DACT1: variants seen among roughly 807,000 people sequenced by gnomAD.
The protein encoded by DACT1 is dapper homolog 1.
In DACT1, 19 loss-of-function variants were observed where a neutral mutation model predicts 35.3. The observed-to-expected ratio is 0.54, with a 90% CI of 0.38 to 0.79. The LOEUF is 0.79. DACT1 is among the 30% of genes least tolerant of loss of function. DACT1 has a pLI of 0.00. For synonymous variants in DACT1, 545 were observed against 466.7 expected, an observed-to-expected ratio of 1.17 and a Z score of -2.16; for missense variants, 1,143 against 1,057.5, an observed-to-expected ratio of 1.08 and a Z score of -1.12.
intron 3 of DACT1, among the ~76,000 whole-genome samples, chr14:58,644,572 G>A (rs375312348): frequency 6.6e-6 from 1 of 152,060 alleles, no homozygotes; most frequent in African/African-American, 2.4e-5. Context: ...AACATAAGGC[G>A]ATTATTATTT....
In DACT1 at chr14:58,647,062, G is replaced by A; in HGVS notation, c.2328G>A (p.Lys776=). The change falls in exon 4 of 4, where the codon AAG becomes AAA. Residue 776 remains lysine, a synonymous_variant. Coordinates refer to ENST00000395153, the MANE Select transcript of DACT1 (RefSeq NM_001079520.2). ...CCGCAAAAACCTTTGTCAAAATTAA[G>A]GCCTCACATAACCTCAAGAAGAAGA... The part of the protein sequence containing the change: ...NHPAKTFVKI[K]ASHNLKKKIL... 6.2e-7 allele frequency: 1 copy of A among 1,614,154 alleles called. No homozygotes were observed. Among genetic ancestry groups the A allele is most frequent in the Non-Finnish European group, 8.5e-7 (1 of 1,180,028 alleles).
At chr14:58,637,847 C>T (rs1264614110), upstream of DACT1, among the ~76,000 whole-genome samples, 2 of 151,114 alleles carry the variant, frequency 1.3e-5, no homozygotes, top group Non-Finnish European at 3.0e-5. Context: ...GCGCGCCTGA[C>T]AGAGGAGGGG....
intron 3 of DACT1, among the ~76,000 whole-genome samples, chr14:58,643,742 A>G (rs754463250): frequency 6.6e-6 from 1 of 152,160 alleles, no homozygotes; most frequent in Non-Finnish European, 1.5e-5. Flanking sequence ...GTTCAACTCT[A>G]AAGAGGGAAA....
At position 58,646,398 on chromosome 14, in the gene DACT1, A is replaced by C. The variant is rs2047682773; in HGVS notation, c.1664A>C (p.Gln555Pro). 3.1e-6 allele frequency: 5 copies of C among 1,602,316 alleles called. No individual in the cohort carries two copies. The highest frequency in any genetic ancestry group is 4.2e-6 in the Non-Finnish European group (5 of 1,177,098). The change falls in exon 4 of 4, where the codon CAG becomes CCG. Residue 555 changes from glutamine (Q) to proline (P), a missense_variant. By Grantham distance (76) the Gln-to-Pro change is moderately conservative. This residue lies in a region of DACT1 where 1,054 missense variants were observed against 958.8 expected (regional missense o/e 1.10). Transcript: ENST00000395153. The part of the protein sequence containing the change: ...SSLKHRGPAL[Q>P]GLENGLPTVR... ...CTGAAGCACCGCGGCCCAGCCCTCC[A>C]GGGGCTGGAGAACGGCTTGCCCACC... is the stretch of plus-strand genomic sequence containing the variant.
chr14:58,646,182 C>T lies in DACT1; in HGVS notation c.1448C>T (p.Pro483Leu), dbSNP rs559985582. 8.1e-6 allele frequency: 13 copies of T among 1,613,660 alleles called. No individual in the cohort carries two copies. In the East Asian group the frequency reaches 1.1e-4, roughly 14 times the overall value. The change falls in exon 4 of 4, where the codon CCG becomes CTG. Residue 483 changes from proline to leucine, a missense_variant. Pro to Leu is a moderately conservative substitution (Grantham distance 98, BLOSUM62 -3). Around this residue, in one of 3 missense-constraint regions of DACT1, gnomAD observed 1,054 missense variants for 958.8 expected, o/e 1.10. Coordinates refer to ENST00000395153, the MANE Select transcript of DACT1 (RefSeq NM_001079520.2). ...AAAAACAGCCTGCAGGGCGTCCCCC[C>T]GGCCACTCCTCCCCTGCTGTCTACA... Reference protein sequence around the residue: ...SQKNSLQGVPPATPPLLSTAF... With the variant: ...SQKNSLQGVPLATPPLLSTAF...
chr14:58,640,674 A>G (rs951845800), intron 1 of DACT1, 62 bp from the exon 2 acceptor site: 2 of 1,597,312 alleles, frequency 1.3e-6, no homozygotes, highest in Non-Finnish European at 1.7e-6. Context: ...TCCTTAGAGT[A>G]GACTTTCTGG....
intron 1 of DACT1, among the ~76,000 whole-genome samples, chr14:58,639,632 A>C (rs1472308549): frequency 6.6e-6 from 1 of 151,974 alleles, no homozygotes; most frequent in Non-Finnish European, 1.5e-5. Context: ...TGATAGGTTC[A>C]TTTTTCCTGA....
Position 58,646,588 on chromosome 14 carries a change from C to A in DACT1, c.1854C>A (p.Ser618Arg). 6.3e-7 allele frequency: 1 copy of A among 1,582,690 alleles called. No individual in the cohort carries two copies. The highest frequency in any genetic ancestry group is 1.1e-5 in the South Asian group (1 of 87,690). Residue 618 changes from serine to arginine, a missense_variant, in exon 4 of 4, where the codon AGC becomes AGA. Physicochemically the swap from Ser to Arg is moderately radical, Grantham distance 110. Transcript: ENST00000395153. Reference protein sequence around the residue: ...RPAGGGHRAGSRAHGHGREAV... With the variant: ...RPAGGGHRAGRRAHGHGREAV... ...CGGGCGGGGGCCACAGGGCGGGGAG[C>A]AGGGCGCATGGCCACGGACGGGAGG...
At chr14:58,638,813 C>T in intron 1 of DACT1, 1 of 1,164,236 alleles carries the variant, frequency 8.6e-7, no homozygotes, top group Non-Finnish European at 1.1e-6. Context: ...GCTCTTCCCT[C>T]CTCCTCTGCC....
rs2047684084 is a variant in DACT1 at position 58,646,467 on chromosome 14, C to G, written c.1733C>G (p.Pro578Arg). ...TRAGSKKCRF[P>R]DDLDTNKKLK... ...GCCGGGAGCAAGAAGTGTCGCTTCCCAGATGACTTGGATACAAATAAGAAA... is the reference window on the plus strand; with the variant it reads ...GCCGGGAGCAAGAAGTGTCGCTTCCGAGATGACTTGGATACAAATAAGAAA... Residue 578 changes from proline (P) to arginine (R), a missense_variant, in exon 4 of 4, where the codon CCA becomes CGA. By Grantham distance (103) the Pro-to-Arg change is moderately radical. Around this residue, in one of 3 missense-constraint regions of DACT1, gnomAD observed 1,054 missense variants for 958.8 expected, o/e 1.10. Coordinates refer to ENST00000395153, the MANE Select transcript of DACT1 (RefSeq NM_001079520.2). The G allele has an allele frequency of 4.4e-6, 7 of 1,575,316 alleles. No homozygotes were observed. Among genetic ancestry groups the G allele is most frequent in the Non-Finnish European group, 6.0e-6 (7 of 1,164,454 alleles).
intron 3 of DACT1, among the ~76,000 whole-genome samples, chr14:58,642,484 AAAAAC>A (rs1346207044): frequency 6.6e-6 from 1 of 152,058 alleles, no homozygotes; most frequent in African/African-American, 2.4e-5. Context: ...AAAAAAAACA[AAAAAC>A]AAAAGACCAG....
In DACT1 at chr14:58,640,798, A is replaced by T; in HGVS notation, c.408A>T (p.Ile136=). The part of the protein sequence containing the change: ...LNQLQELDKQ[I]SDLRLDVEKT... ...AGTTGCAAGAGCTTGACAAGCAGAT[A>T]AGTGACCTGAGACTGGATGTAGAAA... Residue 136 remains isoleucine (I), a synonymous_variant, in exon 2 of 4, where the codon ATA becomes ATT. Coordinates refer to ENST00000395153, the MANE Select transcript of DACT1 (RefSeq NM_001079520.2). 6.2e-7 allele frequency: 1 copy of T among 1,614,168 alleles called. No individual in the cohort carries two copies. Among genetic ancestry groups the T allele is most frequent in the Non-Finnish European group, 8.5e-7 (1 of 1,180,030 alleles).
chr14:58,646,934 A>C lies in DACT1; in HGVS notation c.2200A>C (p.Thr734Pro). The change falls in exon 4 of 4, where the codon ACA becomes CCA. Residue 734 changes from threonine to proline, a missense_variant. Physicochemically the swap from Thr to Pro is conservative, Grantham distance 38. Around this residue, in one of 3 missense-constraint regions of DACT1, gnomAD observed 1,054 missense variants for 958.8 expected, o/e 1.10. Coordinates refer to ENST00000395153, the MANE Select transcript of DACT1 (RefSeq NM_001079520.2). ...CGAGGGCGAGTTCGTGGGGGAGAGC[A>C]CAACCACCAGCGACTCTGAAGAAAG... ...VSEGEFVGES[T>P]TTSDSEESGG... 2 of 1,614,212 alleles carry C rather than the reference A, an allele frequency of 1.2e-6. No individual in the cohort carries two copies. The highest frequency in any genetic ancestry group is 1.7e-6 in the Non-Finnish European group (2 of 1,180,040).
In DACT1 at chr14:58,638,355, G is replaced by A. The variant is rs745694669; in HGVS notation, c.153G>A (p.Thr51=). The A allele has an allele frequency of 1.5e-6, 2 of 1,305,630 alleles. No homozygotes were observed. The highest frequency in any genetic ancestry group is 2.3e-5 in the South Asian group (1 of 43,820). The allele number at this position is 1,305,630 out of a possible 1,614,324, so 80.9% of individuals were successfully genotyped here. A position where few individuals can be genotyped will look rare whatever the true frequency, so the allele number is the denominator to read the frequency against. The change falls in exon 1 of 4, where the codon ACG becomes ACA. Residue 51 remains threonine, a synonymous_variant. Transcript: ENST00000395153. ...RQRTRERQEA[T]LAGLAELEYL... ...GCACCCGGGAGCGGCAGGAGGCCAC[G>A]CTGGCCGGGCTGGCGGAGCTGGAGT...
At chr14:58,641,451 A>T in intron 2 of DACT1, 141 bp from the exon 3 acceptor site, 2 of 871,420 alleles carry the variant, frequency 2.3e-6, no homozygotes, top group South Asian at 1.7e-5. Context: ...AGATTAGGAC[A>T]CCAAAGTCCA....
chr14:58,643,226 G>T (rs1243579466), intron 3 of DACT1, among the ~76,000 whole-genome samples: 1 of 152,210 alleles, frequency 6.6e-6, no homozygotes, highest in Non-Finnish European at 1.5e-5. Context: ...TAAGCTAATT[G>T]TCAGAGGTTC....
upstream of DACT1, among the ~76,000 whole-genome samples, chr14:58,637,891 C>T (rs914352432): frequency 6.6e-5 from 10 of 151,420 alleles, no homozygotes; most frequent in Admixed American, 4.6e-4. Flanking sequence ...AGCCGAGGGG[C>T]CGGCGCGGGG....
In DACT1 at chr14:58,638,345, A is replaced by G. The variant is rs1021718597; in HGVS notation, c.143A>G (p.Gln48Arg). 2.3e-6 allele frequency: 3 copies of G among 1,311,274 alleles called. No homozygotes were observed. In the African/African-American group the frequency reaches 4.6e-5, roughly 20 times the overall value. The allele number at this position is 1,311,274 out of a possible 1,614,324, so 81.2% of individuals were successfully genotyped here. The change falls in exon 1 of 4, where the codon CAG (glutamine) becomes CGG (arginine). Residue 48 changes from glutamine (Q) to arginine (R), a missense_variant. This residue lies in a region of DACT1 where 85 missense variants were observed against 81.8 expected (regional missense o/e 1.04). Coordinates refer to ENST00000395153, the MANE Select transcript of DACT1 (RefSeq NM_001079520.2). ...DTERQRTRER[Q>R]EATLAGLAEL... Reference sequence around the variant, plus strand: ...GAGCGGCAGCGCACCCGGGAGCGGCAGGAGGCCACGCTGGCCGGGCTGGCG... The same window carrying G: ...GAGCGGCAGCGCACCCGGGAGCGGCGGGAGGCCACGCTGGCCGGGCTGGCG...
chr14:58,638,253 G>T lies in DACT1; in HGVS notation c.51G>T (p.Pro17=). The T allele has an allele frequency of 7.3e-7, 1 of 1,367,420 alleles. No individual in the cohort carries two copies. The highest frequency in any genetic ancestry group is 9.4e-7 in the Non-Finnish European group (1 of 1,060,822). The allele number at this position is 1,367,420 out of a possible 1,614,324, so 84.7% of individuals were successfully genotyped here. A position where few individuals can be genotyped will look rare whatever the true frequency, so the allele number is the denominator to read the frequency against. Residue 17 remains proline, a synonymous_variant, in exon 1 of 4, where the codon CCG becomes CCT. Transcript: ENST00000395153. The part of the protein sequence containing the change: ...GTAKELEPPA[P]ARGEQRTAEP... ...CGAAGGAGCTGGAGCCTCCGGCGCC[G>T]GCCCGAGGCGAGCAGCGCACGGCGG...
Sources: gnomAD v4.1 joint callset for allele counts (sites outside exome capture counted in the v4.1 genomes callset) on GRCh38, gnomAD v4.1.1 for gene constraint, gnomAD v4.1.1 regional missense constraint, MANE v1.5 for transcripts, NCBI Gene and HGNC (gene_info 2026-07-23, HGNC 2026-07-21) for gene names.